Variants in NCKAP5 observed in about 807,000 individuals in gnomAD.
NCKAP5 encodes the protein nck-associated protein 5.
Under a neutral mutation model 167.0 loss-of-function variants are expected in NCKAP5, and 92 were observed. The observed-to-expected ratio is 0.55, with a 90% CI of 0.47 to 0.66. NCKAP5 has a LOEUF of 0.66. Among genes scored for constraint, NCKAP5 ranks in the 30% least tolerant of loss-of-function variants. NCKAP5 has a pLI of 0.00. For missense variants in NCKAP5, 2,378 were observed against 2,315.0 expected, an observed-to-expected ratio of 1.03 and a Z score of -0.56; for synonymous variants, 891 against 877.4, an observed-to-expected ratio of 1.02 and a Z score of -0.27.
rs754352613 is a variant in NCKAP5, at chr2:133,268,136, T to C, written c.143+34901A>G. Among the ~76,000 whole-genome samples, 4 of 152,202 alleles carry C rather than the reference T, an allele frequency of 2.6e-5. No homozygotes were observed. The South Asian group carries it at 8.3e-4, about 32-fold the overall frequency. On this transcript the variant is annotated intron_variant, in intron 4 of 19. Transcript: ENST00000409261. ...TATAAGAGCTAAGCAAAAATAAATA[T>C]AATTTACTGTGAAAACTGAATAAAA... is the stretch of plus-strand genomic sequence containing the variant.
chr2:132,981,044 T>C (rs1308824961), intron 7 of NCKAP5, among the ~76,000 whole-genome samples: 3 of 152,190 alleles, frequency 2.0e-5, no homozygotes, highest in Non-Finnish European at 2.9e-5. Context: ...AATTTATTAA[T>C]TTAATGTGGA....
At chr2:132,836,577 G>A (rs1176801797) in intron 11 of NCKAP5, among the ~76,000 whole-genome samples, 1 of 151,942 alleles carries the variant, frequency 6.6e-6, no homozygotes, top group African/African-American at 2.4e-5. Context: ...AGTTATTGGG[G>A]TACAGGTGGT....
At chr2:132,908,414 G>C (rs1694176813) in intron 8 of NCKAP5, among the ~76,000 whole-genome samples, 1 of 152,090 alleles carries the variant, frequency 6.6e-6, no homozygotes, top group African/African-American at 2.4e-5. Context: ...AATCCTTTAG[G>C]ATGTGGTCTG....
chr2:132,728,717 A>G, intron 18 of NCKAP5, 99 bp downstream of exon 18: 1 of 1,487,376 alleles, frequency 6.7e-7, no homozygotes, highest in East Asian at 2.3e-5. Flanking sequence ...AGCAAATTTC[A>G]TTTAAAGTGA....
intron 6 of NCKAP5, among the ~76,000 whole-genome samples, chr2:133,115,759 GTA>G (rs1376937841): frequency 1.0e-5 from 1 of 98,338 alleles, no homozygotes; most frequent in Non-Finnish European, 2.0e-5. Context: ...GTAAATTGAA[GTA>G]TATATGTGTG....
rs189438724 is a variant in NCKAP5 at position 133,360,847 on chromosome 2, G to T, written c.70-57737C>A. On this transcript the variant is annotated intron_variant, in intron 3 of 19. Transcript: ENST00000409261. ...AAATAATACCTGCCTTAAAAGGCTGGTGAGTAGAAGATCATGGCTAATCAA... is the reference window on the plus strand; with the variant it reads ...AAATAATACCTGCCTTAAAAGGCTGTTGAGTAGAAGATCATGGCTAATCAA... Among the ~76,000 whole-genome samples the T allele has an allele frequency of 5.9e-5, 9 of 151,972 alleles. No individual in the cohort carries two copies. In the East Asian group the frequency reaches 1.7e-3, roughly 29 times the overall value.
chr2:133,276,181 T>A (rs2089722339), intron 4 of NCKAP5, among the ~76,000 whole-genome samples: 1 of 152,166 alleles, frequency 6.6e-6, no homozygotes, highest in Admixed American at 6.6e-5. Context: ...TTTCTCTAGC[T>A]TACTTTCTTG....
intron 19 of NCKAP5, among the ~76,000 whole-genome samples, chr2:132,717,723 C>T (rs143348470): frequency 1.5e-3 from 231 of 152,316 alleles, no homozygotes; most frequent in African/African-American, 5.2e-3. Flanking sequence ...TTTAACTCAA[C>T]TTCCCTGGCT....
chr2:133,605,775 G>A, the NCKAP5 span, among the ~76,000 whole-genome samples: 1 of 152,106 alleles, frequency 6.6e-6, no homozygotes, highest in Non-Finnish European at 1.5e-5. Flanking sequence ...AGAACCAAGT[G>A]TTACAAATGT....
intron 3 of NCKAP5, among the ~76,000 whole-genome samples, chr2:133,496,479 G>T (rs528928262): frequency 6.6e-6 from 1 of 152,074 alleles, no homozygotes; most frequent in Non-Finnish European, 1.5e-5. Context: ...GACAGAAAAT[G>T]CATCTCATAA....
intron 19 of NCKAP5, among the ~76,000 whole-genome samples, chr2:132,687,540 C>T (rs1686109917): frequency 6.6e-6 from 1 of 152,026 alleles, no homozygotes; most frequent in African/African-American, 2.4e-5. Flanking sequence ...AAATACTTTT[C>T]CTTAAATCAG....
intron 4 of NCKAP5, among the ~76,000 whole-genome samples, chr2:133,266,588 C>T (rs1012317936): frequency 6.6e-6 from 1 of 152,142 alleles, no homozygotes; most frequent in Non-Finnish European, 1.5e-5. Flanking sequence ...GACTCCGCAG[C>T]GCCTTCACTT....
In NCKAP5 at chr2:133,330,389, T is replaced by C. The variant is rs72987686; in HGVS notation, c.70-27279A>G. Among the ~76,000 whole-genome samples, 1,373 of 149,918 alleles carry C rather than the reference T, an allele frequency of 9.2e-3. 23 individuals carry two copies. Among genetic ancestry groups the C allele is most frequent in the African/African-American group, 0.031 (1,277 of 40,568 alleles). ...CATGATACACCATGCCTGGCTTACATTGTTTTTGTTTTTTTTTTTTCTTAT... is the reference window on the plus strand; with the variant it reads ...CATGATACACCATGCCTGGCTTACACTGTTTTTGTTTTTTTTTTTTCTTAT... On this transcript the variant is annotated intron_variant, in intron 3 of 19. Transcript: ENST00000409261.
rs141741244 is a variant in NCKAP5, at chr2:133,115,822, T to TCACACACACACACACACACA, written c.341+14136_341+14155dup. ...ATATATATATATATATATATAGTGT[T>TCACACACACACACACACACA]CACACACACACACACACACACGCCC... On this transcript the variant is annotated intron_variant, in intron 6 of 19. Transcript: ENST00000409261. Among the ~76,000 whole-genome samples the TCACACACACACACACACACA allele has an allele frequency of 1.3e-3, 163 of 122,942 alleles. 1 individual carries two copies. The Middle Eastern group carries it at 0.018, about 14-fold the overall frequency. 80.7% of individuals were successfully genotyped at this position (122,942 alleles called of 152,430 possible).
Position 132,783,160 on chromosome 2 carries a change from G to C in NCKAP5, c.3651C>G (p.Gly1217=). ...CCAGGGGAAGCCCATCAGCTAAACT[G>C]CCCTGTGCTTGTGAATCCGGTAGGG... is the stretch of plus-strand genomic sequence containing the variant. ...NVTLPDSQAQ[G]SLADGLPLET... is the part of the protein sequence containing the mutation. The change falls in exon 14 of 20, where the codon GGC becomes GGG. Residue 1217 remains glycine, a synonymous_variant. Transcript: ENST00000409261. The C allele has an allele frequency of 6.2e-7, 1 of 1,613,750 alleles. No homozygotes were observed. The highest frequency in any genetic ancestry group is 8.5e-7 in the Non-Finnish European group (1 of 1,179,816).
intron 11 of NCKAP5, among the ~76,000 whole-genome samples, chr2:132,843,126 A>C (rs72991372): frequency 0.079 from 11,992 of 152,200 alleles, 948 homozygotes; most frequent in African/African-American, 0.19. Flanking sequence ...GGCATAATTT[A>C]TCTTTCTAAA....
chr2:133,285,438 A>G (rs1679038620), intron 4 of NCKAP5, among the ~76,000 whole-genome samples: 2 of 152,020 alleles, frequency 1.3e-5, no homozygotes, highest in Non-Finnish European at 2.9e-5. Flanking sequence ...TGGAATTTCT[A>G]TAGTATAATG....
intron 6 of NCKAP5, among the ~76,000 whole-genome samples, chr2:133,077,699 G>C (rs937355196): frequency 6.6e-6 from 1 of 152,166 alleles, no homozygotes; most frequent in Non-Finnish European, 1.5e-5. Context: ...TGTATCCAAG[G>C]CTAGGCTTTT....
chr2:132,902,488 C>G (rs1056866932), intron 8 of NCKAP5, among the ~76,000 whole-genome samples: 1 of 152,190 alleles, frequency 6.6e-6, no homozygotes, highest in African/African-American at 2.4e-5. Flanking sequence ...TTAGTCCTTT[C>G]ACAGAAGGGT....
Sources: allele counts gnomAD v4.1 joint callset (sites outside exome capture counted in the v4.1 genomes callset), GRCh38; gene constraint gnomAD v4.1.1; transcripts MANE v1.5; gene names NCBI Gene and HGNC (gene_info 2026-07-23, HGNC 2026-07-21).